The following KIAA1549L variants were observed in gnomAD, a reference collection of about 807,000 sequenced individuals.
KIAA1549L encodes the protein KIAA1549 like.
Under a neutral mutation model 160.7 loss-of-function variants are expected in KIAA1549L, and 88 were observed. That is an observed-to-expected ratio of 0.55 (90% confidence interval 0.46 to 0.65). KIAA1549L has a LOEUF of 0.65. KIAA1549L is among the 30% of genes least tolerant of loss of function. KIAA1549L has a pLI of 0.00. For synonymous variants in KIAA1549L, 950 were observed against 976.7 expected (o/e 0.97, Z 0.51); for missense variants, 2,258 against 2,437.5 (o/e 0.93, Z 1.55).
intron 11 of KIAA1549L, among the ~76,000 whole-genome samples, chr11:33,587,430 A>G (rs1167538160): frequency 6.6e-6 from 1 of 152,140 alleles, no homozygotes; most frequent in Non-Finnish European, 1.5e-5. Flanking sequence ...GTCCTGCGCC[A>G]CTTAGCTGTG....
intron 1 of KIAA1549L, among the ~76,000 whole-genome samples, chr11:33,443,951 A>G (rs971982281): frequency 1.3e-5 from 2 of 152,216 alleles, no homozygotes; most frequent in African/African-American, 2.4e-5. Context: ...TCTGTATTTG[A>G]AAAGTATCTC....
rs1367046110 is a variant in KIAA1549L at position 33,412,993 on chromosome 11, A to ACATGATCT, written c.238+36105_238+36112dup. On this transcript the variant is annotated intron_variant, in intron 1 of 20. Coordinates refer to ENST00000658780, the MANE Select transcript of KIAA1549L (RefSeq NM_012194.3). ...ATACTGCACTTTCAGGGTAATAAATACATGATCTTGGTGGATTTGAAGCTT... is the reference window on the plus strand; with the variant it reads ...ATACTGCACTTTCAGGGTAATAAATACATGATCTCATGATCTTGGTGGATTTGAAGCTT... 3.3e-5 allele frequency among the ~76,000 whole-genome samples: 5 copies of ACATGATCT among 152,230 alleles called. No individual in the cohort carries two copies. In the East Asian group the frequency reaches 9.6e-4, roughly 29 times the overall value.
intron 1 of KIAA1549L, among the ~76,000 whole-genome samples, chr11:33,412,452 C>T (rs1850803692): frequency 6.6e-6 from 1 of 152,232 alleles, no homozygotes; most frequent in Non-Finnish European, 1.5e-5. Context: ...TACTAACACC[C>T]TTACAGACTT....
chr11:33,664,027 C>T (rs538441767), intron 20 of KIAA1549L, among the ~76,000 whole-genome samples: 1 of 152,322 alleles, frequency 6.6e-6, no homozygotes, highest in Admixed American at 6.5e-5. Flanking sequence ...ACCTTCCCAG[C>T]TCATGTGGCC....
At chr11:33,453,736 G>T (rs750779205) in intron 1 of KIAA1549L, among the ~76,000 whole-genome samples, 2 of 152,216 alleles carry the variant, frequency 1.3e-5, no homozygotes, top group Admixed American at 6.5e-5. Context: ...AAATAGCTAA[G>T]AAATATCAAT....
At chr11:33,493,118 T>G (rs1213976849) in intron 1 of KIAA1549L, among the ~76,000 whole-genome samples, 1 of 152,094 alleles carries the variant, frequency 6.6e-6, no homozygotes, top group African/African-American at 2.4e-5. Context: ...GCAGCAGTGG[T>G]GACTTTTCCA....
intron 12 of KIAA1549L, among the ~76,000 whole-genome samples, chr11:33,598,034 T>TG (rs888738052): frequency 5.3e-5 from 8 of 152,056 alleles, no homozygotes; most frequent in African/African-American, 1.9e-4. Flanking sequence ...GGGGAGCTCT[T>TG]GGGGGGCATG....
chr11:33,557,137 A>G (rs1431642363), intron 6 of KIAA1549L, among the ~76,000 whole-genome samples: 1 of 151,976 alleles, frequency 6.6e-6, no homozygotes, highest in Non-Finnish European at 1.5e-5. Flanking sequence ...AAAGGCATGC[A>G]ACATCATGCT....
intron 6 of KIAA1549L, among the ~76,000 whole-genome samples, chr11:33,552,707 C>A: frequency 7.1e-6 from 1 of 140,546 alleles, no homozygotes; most frequent in South Asian, 2.3e-4. Flanking sequence ...CACACACATG[C>A]GTTTTATATT....
chr11:33,518,222 G>T (rs190587900), intron 1 of KIAA1549L, among the ~76,000 whole-genome samples: 5 of 147,956 alleles, frequency 3.4e-5, no homozygotes, highest in African/African-American at 9.9e-5. Context: ...GTCTACAGTG[G>T]TAAAACTACT....
chr11:33,543,036 C>T lies in KIAA1549L; in HGVS notation c.1473C>T (p.Pro491=), dbSNP rs376968439. Residue 491 remains proline, a synonymous_variant, in exon 2 of 21, where the codon CCC becomes CCT. Transcript: ENST00000658780. ...AAGCCATCCTTTCTGGGGCGGTTCCCGCATCACCATCAACTGGGACAGCCG... is the reference window on the plus strand; with the variant it reads ...AAGCCATCCTTTCTGGGGCGGTTCCTGCATCACCATCAACTGGGACAGCCG... ...QEQAILSGAV[P]ASPSTGTADF... is the part of the protein sequence containing the mutation. The T allele has an allele frequency of 4.7e-5, 76 of 1,613,816 alleles. No homozygotes were observed. Among genetic ancestry groups the T allele is most frequent in the East Asian group, 1.8e-4 (8 of 44,894 alleles).
chr11:33,461,651 T>C (rs1031155331), intron 1 of KIAA1549L, among the ~76,000 whole-genome samples: 3 of 152,210 alleles, frequency 2.0e-5, no homozygotes, highest in Non-Finnish European at 2.9e-5. Flanking sequence ...AAATTAATCA[T>C]CTGGTTAAAA....
chr11:33,480,543 G>A (rs1356269304), intron 1 of KIAA1549L, among the ~76,000 whole-genome samples: 1 of 152,162 alleles, frequency 6.6e-6, no homozygotes, highest in African/African-American at 2.4e-5. Flanking sequence ...TTTTAGAAGT[G>A]TAATTCATGG....
At chr11:33,623,844 T>C (rs1486994805) in intron 16 of KIAA1549L, among the ~76,000 whole-genome samples, 1 of 152,122 alleles carries the variant, frequency 6.6e-6, no homozygotes, top group Admixed American at 6.5e-5. Flanking sequence ...GGGCAGGAGA[T>C]AAACAACTTC....
intron 1 of KIAA1549L, among the ~76,000 whole-genome samples, chr11:33,397,361 A>G (rs1850400022): frequency 6.8e-6 from 1 of 146,346 alleles, no homozygotes; most frequent in Admixed American, 7.0e-5. Context: ...TCAAAAATGA[A>G]TTAATGTTTA....
chr11:33,606,617 C>G, intron 13 of KIAA1549L, 24 bp from the exon 14 acceptor site: 1 of 1,607,508 alleles, frequency 6.2e-7, no homozygotes, highest in African/African-American at 1.3e-5. Flanking sequence ...ATCATAAAAT[C>G]GATGTGTTTA....
chr11:33,523,249 A>G (rs1853537653), intron 1 of KIAA1549L, among the ~76,000 whole-genome samples: 1 of 152,228 alleles, frequency 6.6e-6, no homozygotes, highest in South Asian at 2.1e-4. Flanking sequence ...AAAAAGAAAC[A>G]AGAAGAAAGA....
At chr11:33,536,468 G>T (rs1436800643) in intron 1 of KIAA1549L, among the ~76,000 whole-genome samples, 1 of 152,244 alleles carries the variant, frequency 6.6e-6, no homozygotes, top group Non-Finnish European at 1.5e-5. Context: ...TCTCCACGTG[G>T]TGTGGGCTGC....
chr11:33,460,347 GA>G (rs1851917819), intron 1 of KIAA1549L, among the ~76,000 whole-genome samples: 5 of 152,192 alleles, frequency 3.3e-5, no homozygotes, highest in Admixed American at 3.3e-4. Flanking sequence ...TGATTTTGAA[GA>G]ACTCAAGAAT....
Sources: gnomAD v4.1 joint callset for allele counts (sites outside exome capture counted in the v4.1 genomes callset) on GRCh38, gnomAD v4.1.1 for gene constraint, MANE v1.5 for transcripts, NCBI Gene and HGNC (gene_info 2026-07-23, HGNC 2026-07-21) for gene names.